RNF152: variants seen among roughly 807,000 people sequenced by gnomAD.
RNF152 encodes the protein E3 ubiquitin-protein ligase RNF152.
Under a neutral mutation model 12.7 loss-of-function variants are expected in RNF152, and 11 were observed. That is an observed-to-expected ratio of 0.86 (90% CI 0.54 to 1.43). The LOEUF is 1.43. RNF152 is among the 40% of genes most tolerant of loss of function. The probability of loss-of-function intolerance (pLI) is 0.00; values close to 1 mark genes in which losing one functional copy is unlikely to be tolerated. For synonymous variants in RNF152, 113 were observed against 120.3 expected, an observed-to-expected ratio of 0.94 and a Z score of 0.40; for missense variants, 255 against 274.8, an observed-to-expected ratio of 0.93 and a Z score of 0.51.
intron 1 of RNF152, among the ~76,000 whole-genome samples, chr18:61,833,635 CTGTT>C (rs1181729205): frequency 6.6e-6 from 1 of 152,226 alleles, no homozygotes; most frequent in African/African-American, 2.4e-5. Flanking sequence ...TTAGTCTCGT[CTGTT>C]TGTTTTTCTT....
At chr18:61,834,963 G>A (rs192014619) in intron 1 of RNF152, among the ~76,000 whole-genome samples, 30 of 152,288 alleles carry the variant, frequency 2.0e-4, no homozygotes, top group African/African-American at 4.6e-4. Flanking sequence ...AAAAGGCAAC[G>A]TTCCCTGGGT....
At chr18:61,849,633 C>T (rs1052425926) in intron 1 of RNF152, among the ~76,000 whole-genome samples, 6 of 152,094 alleles carry the variant, frequency 3.9e-5, no homozygotes, top group Middle Eastern at 3.2e-3. Flanking sequence ...TTAGATTATC[C>T]AAAACAAAAT....
Position 61,815,564 on chromosome 18 carries a change from T to C in RNF152, c.*288A>G. 2.6e-6 allele frequency: 1 copy of C among 378,758 alleles called. No individual in the cohort carries two copies. Among genetic ancestry groups the C allele is most frequent in the Non-Finnish European group, 4.8e-6 (1 of 206,474 alleles). The allele number at this position is 378,758 out of a possible 1,614,324, so 23.5% of individuals were successfully genotyped here. ...AGTAGAATATGTCTATCTTGTAACA[T>C]GATTTTGAAAAATCATAAATTACAG... is the stretch of plus-strand genomic sequence containing the variant. On this transcript the variant is annotated 3_prime_UTR_variant, in exon 2 of 2. Coordinates refer to ENST00000312828, the MANE Select transcript of RNF152 (RefSeq NM_173557.3).
intron 1 of RNF152, among the ~76,000 whole-genome samples, chr18:61,822,805 A>G (rs554926644): frequency 8.0e-4 from 122 of 152,344 alleles, no homozygotes; most frequent in African/African-American, 2.6e-3. Flanking sequence ...GTGTTGAGAA[A>G]AAAACTCAAA....
intron 1 of RNF152, among the ~76,000 whole-genome samples, chr18:61,826,238 C>G (rs7234737): frequency 0.36 from 54,388 of 152,092 alleles, 10,202 homozygotes; most frequent in Non-Finnish European, 0.42. Flanking sequence ...AGAAACTTCT[C>G]AGAAATGAGA....
chr18:61,831,733 T>C (rs777399254), intron 1 of RNF152, among the ~76,000 whole-genome samples: 3 of 152,052 alleles, frequency 2.0e-5, no homozygotes, highest in Admixed American at 1.3e-4. Context: ...CTATGTCAGA[T>C]AGAAAGCAAT....
rs1221879655 is a variant in RNF152 at position 61,812,310 on chromosome 18, G to A, written c.*3542C>T. The A allele has an allele frequency of 2.6e-5, 4 of 152,324 alleles. No individual in the cohort carries two copies. Among genetic ancestry groups the A allele is most frequent in the South Asian group, 2.1e-4 (1 of 4,830 alleles). The allele number at this position is 152,324 out of a possible 1,614,324, so 9.4% of individuals were successfully genotyped here. ...CGTACCAGACGGCACAGGTTTTCGAGCATTTCCATCATCACAGAAAGCCCT... is the reference window on the plus strand; with the variant it reads ...CGTACCAGACGGCACAGGTTTTCGAACATTTCCATCATCACAGAAAGCCCT... On this transcript the variant is annotated 3_prime_UTR_variant, in exon 2 of 2. Transcript: ENST00000312828.
chr18:61,816,680 T>A, intron 1 of RNF152, 82 bp from the exon 2 acceptor site: 1 of 511,292 alleles, frequency 2.0e-6, no homozygotes, highest in Non-Finnish European at 3.4e-6. Flanking sequence ...TTTATACCAT[T>A]GCTCAAAAGT....
At chr18:61,853,710 T>C (rs544231128) in intron 1 of RNF152, among the ~76,000 whole-genome samples, 3 of 152,212 alleles carry the variant, frequency 2.0e-5, no homozygotes, top group Non-Finnish European at 2.9e-5. Context: ...CTATTCTACC[T>C]CTTTTTCATA....
chr18:61,824,604 A>G (rs1398480232), intron 1 of RNF152, among the ~76,000 whole-genome samples: 12 of 152,200 alleles, frequency 7.9e-5, no homozygotes, highest in African/African-American at 1.2e-4. Context: ...CTACAACTTC[A>G]ATTTTTTAGC....
chr18:61,876,740 G>A (rs564262931), intron 1 of RNF152, among the ~76,000 whole-genome samples: 16 of 152,214 alleles, frequency 1.1e-4, no homozygotes, highest in East Asian at 1.9e-4. Context: ...TAATAGAACC[G>A]TCTACTCTAC....
chr18:61,866,204 C>T (rs1317300309), intron 1 of RNF152, among the ~76,000 whole-genome samples: 1 of 152,138 alleles, frequency 6.6e-6, no homozygotes, highest in Non-Finnish European at 1.5e-5. Flanking sequence ...CTCCCTGCCT[C>T]TCATCTCTCC....
In RNF152 at chr18:61,815,782, A is replaced by T. The variant is rs1056816385; in HGVS notation, c.*70T>A. 4.5e-6 allele frequency: 7 copies of T among 1,542,396 alleles called. No individual in the cohort carries two copies. The highest frequency in any genetic ancestry group is 5.3e-6 in the Non-Finnish European group (6 of 1,130,698). ...GGTCAGTGTTGCCCCCCATCTTCTC[A>T]CTGGGATCTCATCATCAACCTGCTC... On this transcript the variant is annotated 3_prime_UTR_variant, in exon 2 of 2. Transcript: ENST00000312828.
chr18:61,862,849 T>C lies in RNF152; in HGVS notation c.-136+29946A>G, dbSNP rs144842887. 8.3e-3 allele frequency among the ~76,000 whole-genome samples: 1,259 copies of C among 152,202 alleles called. 23 individuals carry two copies. The highest frequency in any genetic ancestry group is 0.029 in the African/African-American group (1,213 of 41,534). On this transcript the variant is annotated intron_variant, in intron 1 of 1. Transcript: ENST00000312828. ...GTTCCGAGGAGGCCCAGACTTATCA[T>C]TGGTGTGTGGGTAGGGGCAGTCTTG... is the stretch of plus-strand genomic sequence containing the variant.
At chr18:61,875,584 G>T (rs1461724257) in intron 1 of RNF152, among the ~76,000 whole-genome samples, 3 of 152,072 alleles carry the variant, frequency 2.0e-5, no homozygotes, top group African/African-American at 7.3e-5. Context: ...ACGAAGGTCA[G>T]CTCTGACCTG....
upstream of RNF152, chr18:61,893,830 A>C: frequency 6.6e-6 from 1 of 151,698 alleles, no homozygotes; most frequent in Non-Finnish European, 1.5e-5. Flanking sequence ...GCATCCGAGG[A>C]CTCGGCCGAG....
At chr18:61,839,397 T>C (rs1425653635) in intron 1 of RNF152, among the ~76,000 whole-genome samples, 4 of 152,360 alleles carry the variant, frequency 2.6e-5, no homozygotes, top group East Asian at 1.9e-4. Flanking sequence ...TAATATTTCA[T>C]AGAACATCCC....
At chr18:61,894,080 C>T (rs1913103707), upstream of RNF152, 1 of 152,162 alleles carries the variant, frequency 6.6e-6, no homozygotes, top group African/African-American at 2.4e-5. This position sits in a 1 kb window ranked among gnomAD's most constrained non-coding sequence, Gnocchi z 4.9. Context: ...CGCAGACATC[C>T]CTGCGCACCC....
chr18:61,862,938 T>A (rs1295467585), intron 1 of RNF152, among the ~76,000 whole-genome samples: 3 of 152,096 alleles, frequency 2.0e-5, no homozygotes, highest in Non-Finnish European at 4.4e-5. Context: ...TGGAACTGAA[T>A]TAGAGGATAC....
Sources: gnomAD v4.1 joint callset for allele counts (sites outside exome capture counted in the v4.1 genomes callset) on GRCh38, gnomAD v4.1.1 for gene constraint, Gnocchi (gnomAD v3.1) non-coding constraint, MANE v1.5 for transcripts, NCBI Gene and HGNC (gene_info 2026-07-23, HGNC 2026-07-21) for gene names.